Variants in LRRC7 observed in about 807,000 individuals in gnomAD.
LRRC7 encodes the protein leucine-rich repeat-containing protein 7.
LRRC7 carries 23 observed loss-of-function variants against 175.7 expected under a neutral mutation model. That is an observed-to-expected ratio of 0.13 (90% CI 0.09 to 0.19). The LOEUF is 0.19. Ranked by LOEUF, LRRC7 falls within the 10% of genes least tolerant of loss-of-function variation. The pLI, the probability that LRRC7 is intolerant of heterozygous loss-of-function variation, is 1.00. For missense variants in LRRC7, 1,354 were observed against 1,904.7 expected, an observed-to-expected ratio of 0.71 and a Z score of 5.38; for synonymous variants, 685 against 680.9, an observed-to-expected ratio of 1.01 and a Z score of -0.09.
chr1:70,094,976 A>T (rs956918277), intron 25 of LRRC7, among the ~76,000 whole-genome samples: 1 of 152,224 alleles, frequency 6.6e-6, no homozygotes, highest in Non-Finnish European at 1.5e-5. Flanking sequence ...ATAGCATAAG[A>T]TGTATATTTA....
At chr1:69,741,984 C>T (rs951410288) in intron 2 of LRRC7, among the ~76,000 whole-genome samples, 1 of 151,984 alleles carries the variant, frequency 6.6e-6, no homozygotes, top group East Asian at 1.9e-4. Flanking sequence ...CAGAAAGTGG[C>T]ACTGAGATTT....
At chr1:69,712,755 A>G in intron 2 of LRRC7, among the ~76,000 whole-genome samples, 1 of 152,220 alleles carries the variant, frequency 6.6e-6, no homozygotes, top group East Asian at 1.9e-4. Flanking sequence ...ATAAAAGAAT[A>G]ATAAAATACT....
rs1011735016 is a variant in LRRC7 at position 69,815,199 on chromosome 1, T to C, written c.422-10549T>C. Among the ~76,000 whole-genome samples, 4 of 152,146 alleles carry C rather than the reference T, an allele frequency of 2.6e-5. No homozygotes were observed. In the East Asian group the frequency reaches 7.7e-4, roughly 29 times the overall value. ...GCCTCTCTTATGTTGGACCATCTGG[T>C]TCCTGGTTACATTTCTTCCTTAATA... On this transcript the variant is annotated intron_variant, in intron 4 of 26. Coordinates refer to ENST00000651989, the MANE Select transcript of LRRC7 (RefSeq NM_001370785.2).
At chr1:70,086,387 A>G (rs1185905736) in intron 24 of LRRC7, among the ~76,000 whole-genome samples, 1 of 152,204 alleles carries the variant, frequency 6.6e-6, no homozygotes, top group Non-Finnish European at 1.5e-5. Context: ...GTTATCAAGT[A>G]AAGTAGAATT....
chr1:69,618,800 G>A (rs928524415), intron 1 of LRRC7, among the ~76,000 whole-genome samples: 3 of 152,110 alleles, frequency 2.0e-5, no homozygotes, highest in African/African-American at 7.2e-5. Context: ...GTAAACTGGT[G>A]CCTGCTTTCC....
intron 8 of LRRC7, among the ~76,000 whole-genome samples, chr1:69,958,532 C>G (rs978422651): frequency 2.0e-5 from 3 of 152,008 alleles, no homozygotes; most frequent in Non-Finnish European, 4.4e-5. Flanking sequence ...ATGGAAGAAA[C>G]CAAGGCATGT....
intron 1 of LRRC7, among the ~76,000 whole-genome samples, chr1:69,585,776 C>T (rs900455181): frequency 6.6e-6 from 1 of 152,164 alleles, no homozygotes; most frequent in Admixed American, 6.5e-5. Flanking sequence ...ATGAAGGCCA[C>T]GGACCCTGTC....
chr1:69,576,984 G>C (rs779675261), intron 1 of LRRC7, among the ~76,000 whole-genome samples: 1 of 152,038 alleles, frequency 6.6e-6, no homozygotes, highest in East Asian at 1.9e-4. Context: ...ATTTACACAC[G>C]TAATATAAGG....
At chr1:70,037,084 C>G (rs1026127966) in intron 20 of LRRC7, among the ~76,000 whole-genome samples, 1 of 152,108 alleles carries the variant, frequency 6.6e-6, no homozygotes, top group African/African-American at 2.4e-5. Context: ...AGTACTTAAT[C>G]TTTCCAAAAT....
intron 26 of LRRC7, among the ~76,000 whole-genome samples, chr1:70,113,809 C>T (rs1176288271): frequency 1.3e-5 from 2 of 151,940 alleles, no homozygotes; most frequent in East Asian, 3.9e-4. Flanking sequence ...TTACACTGTA[C>T]TAAACAGGCT....
chr1:69,950,626 A>T (rs1649817704), intron 8 of LRRC7, among the ~76,000 whole-genome samples: 1 of 152,160 alleles, frequency 6.6e-6, no homozygotes, highest in African/African-American at 2.4e-5. Context: ...CAACATTTTT[A>T]TTGTAAACTA....
At chr1:69,781,596 C>T (rs574648799) in intron 3 of LRRC7, among the ~76,000 whole-genome samples, 88 of 149,546 alleles carry the variant, frequency 5.9e-4, no homozygotes, top group African/African-American at 2.1e-3. Flanking sequence ...GCAGGAGAAT[C>T]GCTTGAACCT....
At chr1:70,052,928 C>T in intron 22 of LRRC7, 98 bp from the exon 23 acceptor site, 1 of 1,273,402 alleles carries the variant, frequency 7.9e-7, no homozygotes, top group Non-Finnish European at 1.1e-6. Context: ...TGCAATTAAA[C>T]AAAATTAATT....
chr1:69,717,973 GAGAA>G (rs200877951), intron 2 of LRRC7, among the ~76,000 whole-genome samples: 40,865 of 106,938 alleles, frequency 0.38, 9,222 homozygotes, highest in South Asian at 0.44. Context: ...AAGAAAGAAA[GAGAA>G]AGAAAGAGGA....
At chr1:69,951,785 C>T (rs192838321) in intron 8 of LRRC7, among the ~76,000 whole-genome samples, 7 of 151,846 alleles carry the variant, frequency 4.6e-5, no homozygotes, top group East Asian at 3.9e-4. Flanking sequence ...CTGGGGTCTA[C>T]GTGAGGATGG....
chr1:69,677,236 T>C (rs1420332860), intron 1 of LRRC7, among the ~76,000 whole-genome samples: 1 of 144,950 alleles, frequency 6.9e-6, no homozygotes, highest in Non-Finnish European at 1.5e-5. Flanking sequence ...ACATATATTA[T>C]ATATGTTATA....
At chr1:69,909,118 T>C (rs12754366) in intron 7 of LRRC7, among the ~76,000 whole-genome samples, 17 of 152,076 alleles carry the variant, frequency 1.1e-4, no homozygotes, top group African/African-American at 3.4e-4. Context: ...TTTCCATTTG[T>C]TTGGTAGATC....
intron 2 of LRRC7, among the ~76,000 whole-genome samples, chr1:69,734,426 T>C (rs1667897955): frequency 6.6e-6 from 1 of 151,894 alleles, no homozygotes; most frequent in Admixed American, 6.6e-5. Flanking sequence ...AGTATGTGAG[T>C]TTTACATGAC....
At chr1:69,986,829 TA>T (rs1393387830) in intron 10 of LRRC7, among the ~76,000 whole-genome samples, 1 of 152,228 alleles carries the variant, frequency 6.6e-6, no homozygotes, top group African/African-American at 2.4e-5. Context: ...AGTATAAACA[TA>T]AAATGTCTTC....
Sources: gnomAD v4.1 joint callset for allele counts (sites outside exome capture counted in the v4.1 genomes callset) on GRCh38, gnomAD v4.1.1 for gene constraint, MANE v1.5 for transcripts, NCBI Gene and HGNC (gene_info 2026-07-23, HGNC 2026-07-21) for gene names.